The following LAPTM4B variants were observed in gnomAD, a reference collection of about 807,000 sequenced individuals.
LAPTM4B encodes lysosomal-associated transmembrane protein 4B.
In LAPTM4B, 26 loss-of-function variants were observed where a neutral mutation model predicts 28.5. The ratio of observed to expected loss-of-function variants is 0.91; its 90% confidence interval spans 0.67 to 1.27. The LOEUF (loss-of-function observed/expected upper bound fraction) is 1.27. Ranked by LOEUF, LAPTM4B falls within the 50% of genes most tolerant of loss-of-function variation. The pLI is 0.00. For missense variants in LAPTM4B, 288 were observed against 285.8 expected, an observed-to-expected ratio of 1.01 and a Z score of -0.06; for synonymous variants, 109 against 106.4, an observed-to-expected ratio of 1.02 and a Z score of -0.15.
At chr8:97,839,730 T>C (rs1817316712) in intron 6 of LAPTM4B, among the ~76,000 whole-genome samples, 1 of 152,238 alleles carries the variant, frequency 6.6e-6, no homozygotes, top group East Asian at 1.9e-4. Flanking sequence ...AACCTAGTTT[T>C]CGTTGTGAAC....
rs546425169 is a variant in LAPTM4B, at chr8:97,800,484, C to CTTTTTTTTTTTTTTTTTTTTTTTTTTTTT, written c.100-4842_100-4841insTTTTTTTTTTTTTTTTTTTTTTTTTTTTT. ...CTTCTGTAATATTACCCCTTGACCTCTTTTTTTTTTTTTTTTTTTTTTTTT... is the reference window on the plus strand; with the variant it reads ...CTTCTGTAATATTACCCCTTGACCTCTTTTTTTTTTTTTTTTTTTTTTTTTTTTTTTTTTTTTTTTTTTTTTTTTTTTTT... On this transcript the variant is annotated intron_variant, in intron 1 of 6. Transcript: ENST00000521545. 1.2e-4 allele frequency among the ~76,000 whole-genome samples: 8 copies of CTTTTTTTTTTTTTTTTTTTTTTTTTTTTT among 69,316 alleles called. 1 individual carries two copies. Among genetic ancestry groups the CTTTTTTTTTTTTTTTTTTTTTTTTTTTTT allele is most frequent in the African/African-American group, 5.2e-4 (7 of 13,376 alleles). 45.5% of individuals were successfully genotyped at this position (69,316 alleles called of 152,430 possible).
At chr8:97,847,790 G>C (rs1817454060) in intron 6 of LAPTM4B, among the ~76,000 whole-genome samples, 1 of 152,196 alleles carries the variant, frequency 6.6e-6, no homozygotes, top group African/African-American at 2.4e-5. Flanking sequence ...TTTGAAAGTA[G>C]TCCAAAGGCG....
At chr8:97,813,530 A>G (rs562748196) in intron 2 of LAPTM4B, among the ~76,000 whole-genome samples, 41 of 152,342 alleles carry the variant, frequency 2.7e-4, no homozygotes, top group African/African-American at 7.2e-4. Context: ...CAGGAACAAT[A>G]CTTTGCATCC....
chr8:97,803,971 C>T (rs2917959), intron 1 of LAPTM4B, among the ~76,000 whole-genome samples: 55,302 of 152,110 alleles, frequency 0.36, 12,145 homozygotes, highest in Middle Eastern at 0.5. Context: ...TAGGATATGC[C>T]ATTAGTTAGT....
chr8:97,803,230 C>T (rs1215304282), intron 1 of LAPTM4B, among the ~76,000 whole-genome samples: 2 of 151,750 alleles, frequency 1.3e-5, no homozygotes, highest in African/African-American at 4.8e-5. Flanking sequence ...ACTTCGAATC[C>T]TACAATAATC....
chr8:97,803,044 C>T (rs1209088649), intron 1 of LAPTM4B, among the ~76,000 whole-genome samples: 1 of 151,506 alleles, frequency 6.6e-6, no homozygotes, highest in East Asian at 2.0e-4. Flanking sequence ...ACTAAAAATA[C>T]AAAAATTAGC....
chr8:97,828,849 A>C (rs1026622988), intron 6 of LAPTM4B, among the ~76,000 whole-genome samples: 6 of 152,208 alleles, frequency 3.9e-5, no homozygotes, highest in Non-Finnish European at 8.8e-5. Context: ...GGAAACTCCT[A>C]ATCCTATAAG....
chr8:97,799,128 C>T (rs1306510343), intron 1 of LAPTM4B, among the ~76,000 whole-genome samples: 1 of 152,102 alleles, frequency 6.6e-6, no homozygotes, highest in East Asian at 1.9e-4. Context: ...CACATAGGCC[C>T]TAAGATAAAG....
rs189244250 is a variant in LAPTM4B, at chr8:97,792,642, C to T, written c.100-12711C>T. On this transcript the variant is annotated intron_variant, in intron 1 of 6. Transcript: ENST00000521545. ...TAGCGCAGGCTGCATTGCAGTGGCA[C>T]GATCTCGGCTCACTGCAACCTCTGC... is the stretch of plus-strand genomic sequence containing the variant. 2.3e-3 allele frequency among the ~76,000 whole-genome samples: 346 copies of T among 152,156 alleles called. 2 individuals carry two copies. Among genetic ancestry groups the T allele is most frequent in the Non-Finnish European group, 3.6e-3 (243 of 68,020 alleles).
chr8:97,849,793 C>G (rs1473983484), intron 6 of LAPTM4B, among the ~76,000 whole-genome samples: 1 of 151,240 alleles, frequency 6.6e-6, no homozygotes, highest in South Asian at 2.1e-4. Context: ...AAAGCCGCCA[C>G]CCCCCCTCCT....
chr8:97,787,129 G>C (rs1283052464), intron 1 of LAPTM4B, among the ~76,000 whole-genome samples: 1 of 152,000 alleles, frequency 6.6e-6, no homozygotes, highest in African/African-American at 2.4e-5. Context: ...TTTGTGTCCT[G>C]GCCTGCTGTA....
intron 1 of LAPTM4B, among the ~76,000 whole-genome samples, chr8:97,776,697 C>G (rs1050598540): frequency 5.3e-5 from 8 of 152,060 alleles, no homozygotes; most frequent in East Asian, 1.9e-4. Context: ...GGGTCCCCCC[C>G]CCGATGTTTT....
At chr8:97,799,745 A>G (rs989683314) in intron 1 of LAPTM4B, among the ~76,000 whole-genome samples, 8 of 152,142 alleles carry the variant, frequency 5.3e-5, no homozygotes, top group African/African-American at 1.2e-4. Flanking sequence ...TTCATTAACT[A>G]TTAGAATTCC....
intron 1 of LAPTM4B, among the ~76,000 whole-genome samples, chr8:97,787,103 C>T (rs1468871205): frequency 6.6e-6 from 1 of 151,950 alleles, no homozygotes; most frequent in Non-Finnish European, 1.5e-5. Context: ...ATGGTGGAGA[C>T]ATTACCAGCA....
chr8:97,823,255 TG>T (rs1463469814), intron 5 of LAPTM4B, among the ~76,000 whole-genome samples: 2 of 152,124 alleles, frequency 1.3e-5, no homozygotes, highest in Non-Finnish European at 2.9e-5. Context: ...TTTTGGAGTG[TG>T]TAGTAGGTGA....
intron 5 of LAPTM4B, among the ~76,000 whole-genome samples, chr8:97,821,107 A>G (rs1441352314): frequency 1.3e-5 from 2 of 151,830 alleles, no homozygotes; most frequent in Non-Finnish European, 2.9e-5. Flanking sequence ...GGAGGCCAAG[A>G]CGGGTGGATC....
At chr8:97,842,458 C>T (rs548120252) in intron 6 of LAPTM4B, among the ~76,000 whole-genome samples, 16 of 152,268 alleles carry the variant, frequency 1.1e-4, no homozygotes, top group African/African-American at 3.8e-4. Flanking sequence ...CTGAATTGAA[C>T]TATTCCCTCC....
At chr8:97,776,563 G>C (rs1309547712) in intron 1 of LAPTM4B, among the ~76,000 whole-genome samples, 2 of 152,254 alleles carry the variant, frequency 1.3e-5, no homozygotes, top group African/African-American at 4.8e-5. Flanking sequence ...GGTTAGGGTT[G>C]CGGATTTGTC....
intron 2 of LAPTM4B, among the ~76,000 whole-genome samples, chr8:97,811,604 C>A (rs150007525): frequency 6.6e-5 from 10 of 152,268 alleles, no homozygotes; most frequent in Non-Finnish European, 1.3e-4. Context: ...CTCAACATCA[C>A]AAACTAAGGC....
Sources: allele counts gnomAD v4.1 joint callset (sites outside exome capture counted in the v4.1 genomes callset), GRCh38; gene constraint gnomAD v4.1.1; transcripts MANE v1.5; gene names NCBI Gene and HGNC (gene_info 2026-07-23, HGNC 2026-07-21).